SLC25A48: variants seen among roughly 807,000 people sequenced by gnomAD.
SLC25A48 encodes the protein CTC-321K16.1.
Under a neutral mutation model 32.2 loss-of-function variants are expected in SLC25A48, and 29 were observed. That is an observed-to-expected ratio of 0.90 (90% CI 0.67 to 1.23). The LOEUF is 1.23. SLC25A48 is among the 50% of genes most tolerant of loss of function. SLC25A48 has a pLI of 0.00. For synonymous variants in SLC25A48, 164 were observed against 172.3 expected (o/e 0.95, Z 0.38); for missense variants, 399 against 422.7 (o/e 0.94, Z 0.49).
intron 7 of SLC25A48, among the ~76,000 whole-genome samples, chr5:135,887,091 A>T (rs1762762656): frequency 6.6e-6 from 1 of 152,220 alleles, no homozygotes; most frequent in Non-Finnish European, 1.5e-5. Flanking sequence ...CTGGAAATTC[A>T]AACAGAATTT....
At chr5:135,724,384 G>A (rs1755039406) in intron 3 of SLC25A48, among the ~76,000 whole-genome samples, 1 of 147,488 alleles carries the variant, frequency 6.8e-6, no homozygotes, top group South Asian at 2.2e-4. Flanking sequence ...CCTCCTTGGA[G>A]CCCCCTCAGG....
intron 4 of SLC25A48, among the ~76,000 whole-genome samples, chr5:135,857,770 C>T (rs1760452741): frequency 6.6e-6 from 1 of 152,082 alleles, no homozygotes; most frequent in South Asian, 2.1e-4. Context: ...GCCTGGAGGT[C>T]AGGGCTGTGC....
intron 3 of SLC25A48, among the ~76,000 whole-genome samples, chr5:135,732,611 G>A (rs965232327): frequency 1.3e-5 from 2 of 152,182 alleles, no homozygotes; most frequent in Admixed American, 6.5e-5. Flanking sequence ...AGATTTCCAC[G>A]ATGGAAAGGA....
At chr5:135,862,564 G>A (rs1760882632) in intron 4 of SLC25A48, among the ~76,000 whole-genome samples, 1 of 152,208 alleles carries the variant, frequency 6.6e-6, no homozygotes, top group Non-Finnish European at 1.5e-5. Flanking sequence ...GTCTAGTGGG[G>A]AGCCAGATGT....
intron 1 of SLC25A48, chr5:135,835,156 G>T: frequency 1.5e-6 from 1 of 677,170 alleles, no homozygotes; most frequent in South Asian, 1.5e-5. Context: ...ATGAGGTAAT[G>T]ATTAAACAGC....
At chr5:135,632,890 C>T (rs1561767341) in intron 2 of SLC25A48, among the ~76,000 whole-genome samples, 1 of 152,116 alleles carries the variant, frequency 6.6e-6, no homozygotes, top group Non-Finnish European at 1.5e-5. Context: ...TCATGTGTCT[C>T]CTGCTTCAAT....
At chr5:135,586,623 G>A (rs547961013) in intron 1 of SLC25A48, among the ~76,000 whole-genome samples, 5 of 152,284 alleles carry the variant, frequency 3.3e-5, no homozygotes, top group East Asian at 3.9e-4. Flanking sequence ...GTGGGCATTC[G>A]TGCTCTGATA....
At chr5:135,740,861 C>T (rs1220712585) in intron 3 of SLC25A48, among the ~76,000 whole-genome samples, 1 of 152,222 alleles carries the variant, frequency 6.6e-6, no homozygotes, top group Non-Finnish European at 1.5e-5. Flanking sequence ...TGCCTTGCCT[C>T]TCAAAGTGCT....
chr5:135,609,045 A>G, intron 1 of SLC25A48, among the ~76,000 whole-genome samples: 1 of 152,168 alleles, frequency 6.6e-6, no homozygotes, highest in East Asian at 1.9e-4. Flanking sequence ...TATTTCCTGG[A>G]GGTGGAAGGG....
intron 1 of SLC25A48, among the ~76,000 whole-genome samples, chr5:135,607,371 G>A (rs1015123041): frequency 6.6e-6 from 1 of 152,082 alleles, no homozygotes; most frequent in South Asian, 2.1e-4. Context: ...GCATGCATGT[G>A]CCCATGCATA....
At chr5:135,605,136 A>C (rs1320779782) in intron 1 of SLC25A48, among the ~76,000 whole-genome samples, 1 of 152,268 alleles carries the variant, frequency 6.6e-6, no homozygotes, top group Admixed American at 6.5e-5. Flanking sequence ...ATAATTTGTA[A>C]TAATGGCTAT....
chr5:135,741,184 G>C (rs10079455), intron 3 of SLC25A48, among the ~76,000 whole-genome samples: 1,753 of 152,140 alleles, frequency 0.012, 31 homozygotes, highest in African/African-American at 0.041. Flanking sequence ...GGTGTGGATG[G>C]AGCTGGGACC....
intron 3 of SLC25A48, among the ~76,000 whole-genome samples, chr5:135,795,412 T>C (rs1757143217): frequency 6.6e-6 from 1 of 151,730 alleles, no homozygotes; most frequent in Non-Finnish European, 1.5e-5. Context: ...GTGTACACTC[T>C]TCCTGTGATA....
intron 3 of SLC25A48, among the ~76,000 whole-genome samples, chr5:135,759,458 G>A (rs1233396678): frequency 6.6e-6 from 1 of 152,030 alleles, no homozygotes; most frequent in Non-Finnish European, 1.5e-5. Flanking sequence ...ATCTTTTCTC[G>A]TGCAATTTCT....
intron 3 of SLC25A48, among the ~76,000 whole-genome samples, chr5:135,722,681 G>A (rs1022426291): frequency 3.9e-5 from 6 of 152,176 alleles, no homozygotes; most frequent in East Asian, 1.9e-4. Context: ...ATTGAATAAC[G>A]CATGTAAAGC....
At chr5:135,865,139 A>G (rs1761088690) in intron 4 of SLC25A48, among the ~76,000 whole-genome samples, 1 of 152,258 alleles carries the variant, frequency 6.6e-6, no homozygotes, top group Non-Finnish European at 1.5e-5. Context: ...CCTTTCACAG[A>G]TCATGAGGAA....
intron 3 of SLC25A48, among the ~76,000 whole-genome samples, chr5:135,810,453 G>T (rs1263473867): frequency 3.3e-5 from 5 of 152,154 alleles, no homozygotes; most frequent in African/African-American, 1.2e-4. Context: ...CTCTCCCCAG[G>T]CTTTATGCCA....
At chr5:135,800,120 C>T (rs1174939840) in intron 3 of SLC25A48, among the ~76,000 whole-genome samples, 5 of 151,668 alleles carry the variant, frequency 3.3e-5, no homozygotes, top group African/African-American at 1.2e-4. Flanking sequence ...GATTATATTA[C>T]TCCCAATATC....
At chr5:135,586,387 A>G (rs1047273295) in intron 1 of SLC25A48, among the ~76,000 whole-genome samples, 3 of 152,250 alleles carry the variant, frequency 2.0e-5, no homozygotes, top group African/African-American at 7.2e-5. Context: ...TATTTACGGC[A>G]TACTTATACT....
Sources: gnomAD v4.1 joint callset for allele counts (sites outside exome capture counted in the v4.1 genomes callset) on GRCh38, gnomAD v4.1.1 for gene constraint, MANE v1.5 for transcripts, NCBI Gene and HGNC (gene_info 2026-07-23, HGNC 2026-07-21) for gene names.